RHEX: variants seen among roughly 807,000 people sequenced by gnomAD.
RHEX encodes regulator of hemoglobinization and erythroid cell expansion, also known as regulator of hemoglobinization and erythroid cell expansion protein.
In RHEX, 18 loss-of-function variants were observed where a neutral mutation model predicts 20.1. The observed-to-expected ratio is 0.90, with a 90% CI of 0.62 to 1.33. The LOEUF (loss-of-function observed/expected upper bound fraction) is 1.33, where lower values mean the gene tolerates loss of function less well. Among genes scored for constraint, RHEX ranks in the 40% most tolerant of loss-of-function variants. The probability of loss-of-function intolerance (pLI) is 0.00; values close to 1 mark genes in which losing one functional copy is unlikely to be tolerated. For synonymous variants in RHEX, 87 were observed against 77.1 expected, an observed-to-expected ratio of 1.13 and a Z score of -0.67; for missense variants, 192 against 214.3, an observed-to-expected ratio of 0.90 and a Z score of 0.65.
intron 1 of RHEX, among the ~76,000 whole-genome samples, chr1:206,075,339 T>C (rs1416822486): frequency 1.3e-5 from 2 of 152,142 alleles, no homozygotes; most frequent in Non-Finnish European, 2.9e-5. Context: ...ACCTCAATCA[T>C]GTATGAAAAG....
chr1:206,055,350 C>T (rs958062644), intron 1 of RHEX, among the ~76,000 whole-genome samples: 10 of 152,372 alleles, frequency 6.6e-5, no homozygotes, highest in South Asian at 4.1e-4. Context: ...TGTTCATCCC[C>T]GAGCGGATGT....
chr1:206,075,564 G>C (rs1163636052), intron 1 of RHEX, among the ~76,000 whole-genome samples: 1 of 151,632 alleles, frequency 6.6e-6, no homozygotes, highest in Non-Finnish European at 1.5e-5. Context: ...TCATTGGTGA[G>C]TTTGCCAAGG....
chr1:206,074,881 AT>A (rs1405530227), intron 1 of RHEX, among the ~76,000 whole-genome samples: 1 of 152,090 alleles, frequency 6.6e-6, no homozygotes, highest in African/African-American at 2.4e-5. Context: ...TAGGTGATGT[AT>A]TTTTTCTGCA....
At chr1:206,056,097 T>G (rs1662189866) in intron 1 of RHEX, among the ~76,000 whole-genome samples, 1 of 152,194 alleles carries the variant, frequency 6.6e-6, no homozygotes, top group Non-Finnish European at 1.5e-5. Context: ...CCATTGAAGT[T>G]TGCAACACCT....
rs148429031 is a variant in RHEX at position 206,077,025 on chromosome 1, T to C, written c.-96-20708T>C. ...GACACATGTTTGTGGCATGGATAAA[T>C]GCGTGAATTAAGGTGCTGTGTTACA... On this transcript the variant is annotated intron_variant, in intron 1 of 5. Coordinates refer to ENST00000331555, the MANE Select transcript of RHEX (RefSeq NM_001007544.4). 4.7e-4 allele frequency among the ~76,000 whole-genome samples: 72 copies of C among 152,366 alleles called. No homozygotes were observed. The East Asian group carries it at 0.012, about 26-fold the overall frequency.
chr1:206,090,885 A>G (rs1378335742), intron 1 of RHEX, among the ~76,000 whole-genome samples: 2 of 152,136 alleles, frequency 1.3e-5, no homozygotes, highest in East Asian at 3.8e-4. Flanking sequence ...TAGAATATTT[A>G]TTATATCTAC....
At chr1:206,099,937 C>A in intron 4 of RHEX, 139 bp downstream of exon 4, 1 of 729,160 alleles carries the variant, frequency 1.4e-6, no homozygotes, top group Non-Finnish European at 2.3e-6. Flanking sequence ...GACAGCCTTG[C>A]CAGCCTACTT....
At position 206,102,223 on chromosome 1, in the gene RHEX, A is replaced by C. The variant is rs962495999; in HGVS notation, c.*271A>C. The C allele has an allele frequency of 1.1e-4, 55 of 479,962 alleles. No individual in the cohort carries two copies. The highest frequency in any genetic ancestry group is 1.9e-4 in the Non-Finnish European group (50 of 266,642). 29.7% of individuals were successfully genotyped at this position (479,962 alleles called of 1,614,324 possible). ...GCCAATGCCCCGGCAAGAAAGGTTG[A>C]GATCAGATGTTAGGAAGAACTTTCA... On this transcript the variant is annotated 3_prime_UTR_variant, in exon 6 of 6. Coordinates refer to ENST00000331555, the MANE Select transcript of RHEX (RefSeq NM_001007544.4).
intron 1 of RHEX, among the ~76,000 whole-genome samples, chr1:206,059,497 C>T (rs28439348): frequency 0.033 from 4,968 of 152,282 alleles, 243 homozygotes; most frequent in African/African-American, 0.11. Context: ...TGGCCACAGT[C>T]TCTGCATTGC....
In RHEX at chr1:206,067,679, C is replaced by T. The variant is rs114427947; in HGVS notation, c.-97+14414C>T. ...CCAAATACCTCACTCCACACATAGC[C>T]CCAACAGCACAACCTCATTCTGCAC... On this transcript the variant is annotated intron_variant, in intron 1 of 5. Transcript: ENST00000331555. This position sits in a 1 kb window ranked among gnomAD's most constrained non-coding sequence, Gnocchi z 4.6. Among the ~76,000 whole-genome samples the T allele has an allele frequency of 1.4e-3, 218 of 152,194 alleles. 2 individuals are homozygous for T. The highest frequency in any genetic ancestry group is 6.2e-3 in the Admixed American group (94 of 15,278).
In RHEX at chr1:206,067,194, G is replaced by A. The variant is rs1232535712; in HGVS notation, c.-97+13929G>A. Among the ~76,000 whole-genome samples the A allele has an allele frequency of 1.3e-5, 2 of 152,168 alleles. No homozygotes were observed. The highest frequency in any genetic ancestry group is 2.9e-5 in the Non-Finnish European group (2 of 68,018). Reference sequence around the variant, plus strand: ...AACCTCCTATCTCATCAAAGCCAGGGAAACTTAAAGTTTTTCTGGGTGATC... The same window carrying A: ...AACCTCCTATCTCATCAAAGCCAGGAAAACTTAAAGTTTTTCTGGGTGATC... On this transcript the variant is annotated intron_variant, in intron 1 of 5. Coordinates refer to ENST00000331555, the MANE Select transcript of RHEX (RefSeq NM_001007544.4). The surrounding 1 kb of genome is among the most constrained non-coding windows in gnomAD (Gnocchi z 4.6).
chr1:206,091,696 G>A (rs1662953404), intron 1 of RHEX, among the ~76,000 whole-genome samples: 1 of 152,154 alleles, frequency 6.6e-6, no homozygotes, highest in African/African-American at 2.4e-5. Context: ...ATCTTCCTAA[G>A]CCTTAGTTTC....
chr1:206,099,064 G>T (rs879959440), intron 3 of RHEX, among the ~76,000 whole-genome samples: 1 of 152,128 alleles, frequency 6.6e-6, no homozygotes, highest in Non-Finnish European at 1.5e-5. Flanking sequence ...AACGTGTTAG[G>T]CACATGCTAG....
At chr1:206,075,922 T>G (rs1318776887) in intron 1 of RHEX, among the ~76,000 whole-genome samples, 1 of 152,074 alleles carries the variant, frequency 6.6e-6, no homozygotes, top group African/African-American at 2.4e-5. Flanking sequence ...TTAATGCTGA[T>G]GAAACATCAC....
At chr1:206,085,008 C>T (rs1282099804) in intron 1 of RHEX, among the ~76,000 whole-genome samples, 1 of 152,272 alleles carries the variant, frequency 6.6e-6, no homozygotes, top group African/African-American at 2.4e-5. Flanking sequence ...TGGTCTAACT[C>T]TTCTGTGCTA....
intron 1 of RHEX, 170 bp from the exon 2 acceptor site, chr1:206,097,563 G>A (rs186485610): frequency 1.5e-5 from 8 of 551,322 alleles, no homozygotes; most frequent in Middle Eastern, 4.8e-4. Flanking sequence ...ACTCATCAAG[G>A]TTCTTTAGGA....
At chr1:206,070,879 A>G (rs530986075) in intron 1 of RHEX, among the ~76,000 whole-genome samples, 19 of 152,304 alleles carry the variant, frequency 1.2e-4, no homozygotes, top group East Asian at 3.9e-4. Context: ...ACTAATTTCT[A>G]TAAGTCCAGG....
intron 1 of RHEX, among the ~76,000 whole-genome samples, chr1:206,085,409 C>G (rs1226406352): frequency 6.6e-6 from 1 of 152,144 alleles, no homozygotes; most frequent in African/African-American, 2.4e-5. Flanking sequence ...ATCGATGAAA[C>G]AGAATAATTT....
chr1:206,098,265 T>C, intron 3 of RHEX, 84 bp downstream of exon 3: 1 of 998,076 alleles, frequency 1.0e-6, no homozygotes, highest in Non-Finnish European at 1.6e-6. Flanking sequence ...CCCTTTGGAG[T>C]TCCCAAACGT....
Sources: allele counts gnomAD v4.1 joint callset (sites outside exome capture counted in the v4.1 genomes callset), GRCh38; gene constraint gnomAD v4.1.1; non-coding constraint Gnocchi (gnomAD v3.1); transcripts MANE v1.5; gene names NCBI Gene and HGNC (gene_info 2026-07-23, HGNC 2026-07-21).